HDAC9: variants seen among roughly 807,000 people sequenced by gnomAD.
HDAC9 encodes MEF-2 interacting transcription repressor (MITR) protein.
A neutral mutation model predicts 139.4 loss-of-function variants in HDAC9; 41 were observed. The ratio of observed to expected loss-of-function variants is 0.29; its 90% CI spans 0.23 to 0.38. The LOEUF (loss-of-function observed/expected upper bound fraction) is 0.38. Ranked by LOEUF, HDAC9 falls within the 10% of genes least tolerant of loss-of-function variation. The pLI is 1.00. For synonymous variants in HDAC9, 517 were observed against 476.2 expected, an observed-to-expected ratio of 1.09 and a Z score of -1.12; for missense variants, 1,147 against 1,297.0, an observed-to-expected ratio of 0.88 and a Z score of 1.78.
In HDAC9 at chr7:18,971,716, C is replaced by T. The variant is rs541128605; in HGVS notation, c.3023-4090C>T. Among the ~76,000 whole-genome samples the T allele has an allele frequency of 7.9e-5, 12 of 152,212 alleles. No individual in the cohort carries two copies. In the East Asian group the frequency reaches 1.4e-3, roughly 17 times the overall value. On this transcript the variant is annotated intron_variant, in intron 24 of 25. Coordinates refer to ENST00000686413, the MANE Select transcript of HDAC9 (RefSeq NM_178425.4). Reference sequence around the variant, plus strand: ...TTGTTTTTATAGACTTTGCCAGAGGCCAAATATAATTTAAAGTTTTGGGTT... The same window carrying T: ...TTGTTTTTATAGACTTTGCCAGAGGTCAAATATAATTTAAAGTTTTGGGTT...
intron 11 of HDAC9, among the ~76,000 whole-genome samples, chr7:18,661,707 A>T (rs1793207541): frequency 6.6e-6 from 1 of 152,130 alleles, no homozygotes; most frequent in African/African-American, 2.4e-5. Context: ...ATCAAGAAAC[A>T]TTTCTTTTAC....
At chr7:18,737,457 G>T (rs1787031301) in intron 13 of HDAC9, among the ~76,000 whole-genome samples, 1 of 152,208 alleles carries the variant, frequency 6.6e-6, no homozygotes, top group Non-Finnish European at 1.5e-5. Flanking sequence ...TGGTTTCAAA[G>T]AACATCTTTA....
chr7:18,094,846 G>A (rs1012131396), intron 1 of HDAC9, among the ~76,000 whole-genome samples: 10 of 152,018 alleles, frequency 6.6e-5, no homozygotes, highest in South Asian at 4.1e-4. Flanking sequence ...AAGTGGCTTC[G>A]ATTTTAGATA....
rs1010291544 is a variant in HDAC9 at position 18,966,595 on chromosome 7, C to T, written c.3023-9211C>T. Among the ~76,000 whole-genome samples the T allele has an allele frequency of 3.9e-5, 6 of 152,012 alleles. No individual in the cohort carries two copies. The South Asian group carries it at 6.2e-4, about 16-fold the overall frequency. Reference sequence around the variant, plus strand: ...GTGCACCTGTAATCGCAGCTACTCACGAGGCTGAGGCAGGAGAATTGCTTG... The same window carrying T: ...GTGCACCTGTAATCGCAGCTACTCATGAGGCTGAGGCAGGAGAATTGCTTG... On this transcript the variant is annotated intron_variant, in intron 24 of 25. Transcript: ENST00000686413.
chr7:18,401,302 A>G (rs1029632969), intron 1 of HDAC9, among the ~76,000 whole-genome samples: 1 of 152,166 alleles, frequency 6.6e-6, no homozygotes, highest in East Asian at 1.9e-4. Flanking sequence ...TACTCTGTAT[A>G]CATCTTTTGG....
chr7:18,457,672 A>T (rs77709719), intron 1 of HDAC9, among the ~76,000 whole-genome samples: 1 of 152,146 alleles, frequency 6.6e-6, no homozygotes, highest in African/African-American at 2.4e-5. Context: ...ATTTTCTTTC[A>T]TATCAACTGA....
At chr7:18,797,238 C>T (rs1373067353) in intron 17 of HDAC9, among the ~76,000 whole-genome samples, 1 of 152,138 alleles carries the variant, frequency 6.6e-6, no homozygotes, top group Non-Finnish European at 1.5e-5. Flanking sequence ...TGTTTTCTTT[C>T]AACCACTCTA....
chr7:18,117,813 G>A (rs914660697), intron 1 of HDAC9, among the ~76,000 whole-genome samples: 53 of 152,168 alleles, frequency 3.5e-4, no homozygotes, highest in African/African-American at 9.7e-4. Flanking sequence ...ACTTTGTTAC[G>A]GCAGCCCTAG....
At chr7:18,765,978 C>T (rs1789798885) in intron 15 of HDAC9, among the ~76,000 whole-genome samples, 1 of 152,074 alleles carries the variant, frequency 6.6e-6, no homozygotes, top group Admixed American at 6.6e-5. Context: ...TTAGTAATTA[C>T]ATTTAAAAAA....
intron 1 of HDAC9, among the ~76,000 whole-genome samples, chr7:18,345,507 T>C (rs1241266663): frequency 1.3e-5 from 2 of 151,880 alleles, no homozygotes; most frequent in African/African-American, 2.4e-5. Context: ...TGAATTGTTG[T>C]TTAGTGAAAG....
At chr7:18,934,023 T>C (rs2129308287) in intron 22 of HDAC9, among the ~76,000 whole-genome samples, 1 of 152,180 alleles carries the variant, frequency 6.6e-6, no homozygotes, top group African/African-American at 2.4e-5. Flanking sequence ...CAAGGAAATA[T>C]TTACAGACAA....
At chr7:18,142,918 A>C (rs1325322477) in intron 1 of HDAC9, among the ~76,000 whole-genome samples, 1 of 152,046 alleles carries the variant, frequency 6.6e-6, no homozygotes, top group Non-Finnish European at 1.5e-5. Context: ...CTTCCTTATA[A>C]CCTTCCGTTG....
chr7:18,978,587 A>C (rs1784699579), intron 25 of HDAC9, among the ~76,000 whole-genome samples: 1 of 152,186 alleles, frequency 6.6e-6, no homozygotes, highest in African/African-American at 2.4e-5. Flanking sequence ...TGGGTCAACA[A>C]AACAAAACAA....
rs1003302860 is a variant in HDAC9, at chr7:18,688,085, A to C, written c.1731+21609A>C. Among the ~76,000 whole-genome samples the C allele has an allele frequency of 4.0e-5, 6 of 151,764 alleles. No homozygotes were observed. In the South Asian group the frequency reaches 6.2e-4, roughly 16 times the overall value. Reference sequence around the variant, plus strand: ...AAAATGACTATATATACACACACACACTTATATATGAGCTATGTCTATATG... The same window carrying C: ...AAAATGACTATATATACACACACACCCTTATATATGAGCTATGTCTATATG... On this transcript the variant is annotated intron_variant, in intron 12 of 25. Transcript: ENST00000686413.
At position 18,212,541 on chromosome 7, in the gene HDAC9, G is replaced by C. The variant is rs565707091; in HGVS notation, c.25+50192G>C. ...CTGTTTACATTTAATATGTTATTTA[G>C]CCTTCAAAACCTTTGTTTACTCATC... On this transcript the variant is annotated intron_variant, in intron 2 of 12. Transcript: ENST00000417496. 8.0e-4 allele frequency among the ~76,000 whole-genome samples: 122 copies of C among 152,216 alleles called. 2 individuals carry two copies. In the South Asian group the frequency reaches 0.024, roughly 30 times the overall value.
At chr7:18,658,899 C>CAAAAAAAAA (rs11306117) in intron 11 of HDAC9, among the ~76,000 whole-genome samples, 7 of 118,150 alleles carry the variant, frequency 5.9e-5, no homozygotes, top group Non-Finnish European at 9.8e-5. Flanking sequence ...AAAAAAAAAG[C>CAAAAAAAAA]AAAAAAAAAA....
In HDAC9 at chr7:18,996,454, T is replaced by G. The variant is rs1786469417; in HGVS notation, c.*392T>G. The G allele has an allele frequency of 6.1e-6, 1 of 164,316 alleles. No individual in the cohort carries two copies. Among genetic ancestry groups the G allele is most frequent in the East Asian group, 1.8e-4 (1 of 5,660 alleles). The allele number at this position is 164,316 out of a possible 1,614,324, so 10.2% of individuals were successfully genotyped here. The stretch of plus-strand genomic sequence containing the variant: ...TTGGGCAAAACCTGAGACATAGTCA[T>G]TCCTGACATTCTGATCAGCTTTTTT... On this transcript the variant is annotated 3_prime_UTR_variant, in exon 26 of 26. Transcript: ENST00000686413.
At chr7:18,331,120 A>G (rs1388732543) in intron 1 of HDAC9, among the ~76,000 whole-genome samples, 1 of 151,722 alleles carries the variant, frequency 6.6e-6, no homozygotes, top group East Asian at 1.9e-4. Flanking sequence ...ATGGAAAATA[A>G]CAAGACACCT....
intron 1 of HDAC9, among the ~76,000 whole-genome samples, chr7:18,125,777 A>G (rs1245286221): frequency 6.6e-6 from 1 of 152,032 alleles, no homozygotes; most frequent in African/African-American, 2.4e-5. Context: ...TTCCATTAAC[A>G]CTTTAGCTAT....
Sources: gnomAD v4.1 joint callset for allele counts (sites outside exome capture counted in the v4.1 genomes callset) on GRCh38, gnomAD v4.1.1 for gene constraint, MANE v1.5 for transcripts, NCBI Gene and HGNC (gene_info 2026-07-23, HGNC 2026-07-21) for gene names.